Variants in TOR1AIP1 observed in about 807,000 individuals in gnomAD.
The protein encoded by TOR1AIP1 is torsin 1A interacting protein 1.
Under a neutral mutation model 63.3 loss-of-function variants are expected in TOR1AIP1, and 54 were observed. The observed-to-expected ratio is 0.85, with a 90% CI of 0.69 to 1.07. The LOEUF is 1.07. Among genes scored for constraint, TOR1AIP1 ranks in the 50% least tolerant of loss-of-function variants. The pLI is 0.00. For missense variants in TOR1AIP1, 736 were observed against 715.0 expected (o/e 1.03, Z -0.33); for synonymous variants, 294 against 273.5 (o/e 1.07, Z -0.74).
chr1:179,883,642 CT>C (rs1037208747), intron 1 of TOR1AIP1: 4 of 456,178 alleles, frequency 8.8e-6, no homozygotes, highest in Non-Finnish European at 1.3e-5. Context: ...AAATCTGCCA[CT>C]TTGGTGGCCG....
intron 7 of TOR1AIP1, among the ~76,000 whole-genome samples, chr1:179,908,363 A>G (rs1648719149): frequency 6.6e-6 from 1 of 152,196 alleles, no homozygotes; most frequent in Non-Finnish European, 1.5e-5. Flanking sequence ...GGGCTATTTT[A>G]CCACAAGTAA....
intron 8 of TOR1AIP1, chr1:179,913,631 G>A (rs1648903833): frequency 2.8e-6 from 2 of 702,290 alleles, no homozygotes; most frequent in Non-Finnish European, 5.2e-6. Context: ...TTTTCAGATG[G>A]TATAATATGT....
At chr1:179,889,423 T>C (rs920763713) in intron 3 of TOR1AIP1, 54 bp downstream of exon 3, 2 of 1,442,634 alleles carry the variant, frequency 1.4e-6, no homozygotes, top group Admixed American at 3.5e-5. Context: ...AGTTTTATTT[T>C]TAAATATGGT....
chr1:179,901,536 A>G (rs1488664912), intron 5 of TOR1AIP1, 148 bp downstream of exon 5: 11 of 450,544 alleles, frequency 2.4e-5, no homozygotes, highest in African/African-American at 1.8e-4. Flanking sequence ...AAAATTACTG[A>G]TTTCGTGTTC....
chr1:179,896,119 T>C (rs985194532), intron 3 of TOR1AIP1, among the ~76,000 whole-genome samples: 1 of 152,174 alleles, frequency 6.6e-6, no homozygotes, highest in Non-Finnish European at 1.5e-5. Flanking sequence ...AGGTGGAATG[T>C]TTAAAACCTT....
chr1:179,898,959 T>C (rs1180952966), intron 3 of TOR1AIP1, among the ~76,000 whole-genome samples: 1 of 152,138 alleles, frequency 6.6e-6, no homozygotes, highest in Non-Finnish European at 1.5e-5. Flanking sequence ...GATTTGCACT[T>C]GCCACTGTCA....
At chr1:179,887,721 C>T (rs1647951736) in intron 2 of TOR1AIP1, 1 of 152,150 alleles carries the variant, frequency 6.6e-6, no homozygotes, top group Non-Finnish European at 1.5e-5. Flanking sequence ...ATTTACTTTT[C>T]CAGAAGTTAA....
chr1:179,893,375 ATTC>A (rs1648169004), intron 3 of TOR1AIP1, among the ~76,000 whole-genome samples: 1 of 152,094 alleles, frequency 6.6e-6, no homozygotes. Flanking sequence ...CCACCAGACT[ATTC>A]TTTGCTCTTT....
chr1:179,916,229 A>G (rs370779114), intron 9 of TOR1AIP1, among the ~76,000 whole-genome samples: 2 of 152,232 alleles, frequency 1.3e-5, no homozygotes, highest in South Asian at 2.1e-4. Flanking sequence ...CTAAGGCATC[A>G]GAAGTTTTTC....
rs1376098957 is a variant in TOR1AIP1 at position 179,898,554 on chromosome 1, A to C, written c.611-1572A>C. ...AAGAGAACAATACCTTTTTGTAGGA[A>C]TGGAAATATTAATTAAAAATTTTTG... On this transcript the variant is annotated intron_variant, in intron 3 of 9. Transcript: ENST00000606911. Among the ~76,000 whole-genome samples the C allele has an allele frequency of 2.6e-5, 4 of 152,152 alleles. No individual in the cohort carries two copies. The East Asian group carries it at 7.7e-4, about 29-fold the overall frequency.
intron 6 of TOR1AIP1, chr1:179,904,571 A>C (rs1648570348): frequency 6.6e-6 from 1 of 152,198 alleles, no homozygotes; most frequent in East Asian, 1.9e-4. Flanking sequence ...CATATACCAA[A>C]ATGCTAATAA....
intron 3 of TOR1AIP1, among the ~76,000 whole-genome samples, chr1:179,891,845 C>T (rs1369959535): frequency 3.3e-5 from 5 of 152,124 alleles, no homozygotes; most frequent in Admixed American, 6.5e-5. Context: ...GGATTGTAGG[C>T]GTGAGCCACC....
At chr1:179,907,930 TTTTTGAGA>T in intron 7 of TOR1AIP1, 66 bp downstream of exon 7, 1 of 1,237,046 alleles carries the variant, frequency 8.1e-7, no homozygotes, top group Non-Finnish European at 1.1e-6. Context: ...TTTTTTTTTT[TTTTTGAGA>T]CGATGTCTTG....
chr1:179,909,316 C>T (rs1247311279), intron 8 of TOR1AIP1, among the ~76,000 whole-genome samples: 2 of 152,138 alleles, frequency 1.3e-5, no homozygotes. Flanking sequence ...TTTGTATACT[C>T]ATAATTTTAC....
chr1:179,907,603 ATATATATATATATATGTATATATATG>A (rs1021043128), intron 6 of TOR1AIP1, among the ~76,000 whole-genome samples, 194 bp from the exon 7 acceptor site: 1 of 22,988 alleles, frequency 4.4e-5, no homozygotes, highest in African/African-American at 1.0e-4. Context: ...TTATATATAT[ATATATATATATATATGTATATATATG>A]TATATATATA....
intron 3 of TOR1AIP1, among the ~76,000 whole-genome samples, chr1:179,898,771 T>A (rs1398792074): frequency 6.6e-6 from 1 of 152,020 alleles, no homozygotes; most frequent in African/African-American, 2.4e-5. Context: ...GACTTTTCCT[T>A]TTTCTCCCTC....
chr1:179,888,535 T>A (rs186493436), intron 2 of TOR1AIP1, among the ~76,000 whole-genome samples: 1 of 152,368 alleles, frequency 6.6e-6, no homozygotes, highest in African/African-American at 2.4e-5. Context: ...GAGATAGATA[T>A]TTCATAGAAT....
intron 3 of TOR1AIP1, among the ~76,000 whole-genome samples, chr1:179,891,981 G>A (rs1174514229): frequency 6.6e-6 from 1 of 152,182 alleles, no homozygotes; most frequent in Non-Finnish European, 1.5e-5. Flanking sequence ...CTGGCTATAG[G>A]ACATGACATA....
chr1:179,882,336 G>C lies in TOR1AIP1; in HGVS notation c.-167G>C, dbSNP rs1647726242. On this transcript the variant is annotated 5_prime_UTR_variant, in exon 1 of 10. Transcript: ENST00000606911. ...ACACCATGGGCCCAGAGGCAGGTTTGCTACACAGCAGCGACGACGCAGGCG... is the reference window on the plus strand; with the variant it reads ...ACACCATGGGCCCAGAGGCAGGTTTCCTACACAGCAGCGACGACGCAGGCG... 2 of 608,910 alleles carry C rather than the reference G, an allele frequency of 3.3e-6. No individual in the cohort carries two copies. Among genetic ancestry groups the C allele is most frequent in the Admixed American group, 3.8e-5 (1 of 26,276 alleles). The allele number at this position is 608,910 out of a possible 1,614,324, so 37.7% of individuals were successfully genotyped here.
Sources: allele counts gnomAD v4.1 joint callset (sites outside exome capture counted in the v4.1 genomes callset), GRCh38; gene constraint gnomAD v4.1.1; transcripts MANE v1.5; gene names NCBI Gene and HGNC (gene_info 2026-07-23, HGNC 2026-07-21).